PID1: variants seen among roughly 807,000 people sequenced by gnomAD.
PID1 encodes phosphotyrosine interaction domain containing 1, also known as PTB-containing, cubilin and LRP1-interacting protein.
Under a neutral mutation model 19.1 loss-of-function variants are expected in PID1, and 10 were observed. That is an observed-to-expected ratio of 0.52 (90% CI 0.32 to 0.89). The LOEUF is 0.89. Among genes scored for constraint, PID1 ranks in the 40% least tolerant of loss-of-function variants. The pLI is 0.03. For missense variants in PID1, 248 were observed against 285.3 expected (o/e 0.87, Z 0.94); for synonymous variants, 130 against 116.0 (o/e 1.12, Z -0.78).
chr2:229,054,096 TA>T (rs200586541), intron 2 of PID1, among the ~76,000 whole-genome samples: 4 of 134,858 alleles, frequency 3.0e-5, no homozygotes, highest in African/African-American at 7.3e-5. Context: ...GGTGGGATAT[TA>T]AAAAAAAAGA....
intron 2 of PID1, among the ~76,000 whole-genome samples, chr2:229,112,923 T>C (rs558792405): frequency 1.1e-3 from 162 of 152,316 alleles, no homozygotes; most frequent in Non-Finnish European, 1.9e-3. Context: ...GTTTTCATTT[T>C]GCCTGTGGCT....
At chr2:229,256,031 G>T (rs1690285899) in intron 1 of PID1, among the ~76,000 whole-genome samples, 1 of 152,206 alleles carries the variant, frequency 6.6e-6, no homozygotes, top group Non-Finnish European at 1.5e-5. Flanking sequence ...GAAGACCAAG[G>T]ACCTGGTTCT....
intron 2 of PID1, among the ~76,000 whole-genome samples, chr2:229,112,871 C>T (rs908904751): frequency 1.3e-5 from 2 of 152,166 alleles, no homozygotes; most frequent in Non-Finnish European, 2.9e-5. Flanking sequence ...CTAAAATCAG[C>T]TCACAGATGC....
intron 1 of PID1, among the ~76,000 whole-genome samples, chr2:229,164,882 A>G (rs1351109625): frequency 3.3e-5 from 5 of 152,212 alleles, no homozygotes; most frequent in Non-Finnish European, 7.3e-5. Flanking sequence ...TCACAGAGAG[A>G]GAATTCTGTA....
chr2:229,087,548 A>G (rs1464830121), intron 2 of PID1, among the ~76,000 whole-genome samples: 1 of 152,222 alleles, frequency 6.6e-6, no homozygotes. Flanking sequence ...AGCAGCCTTT[A>G]TGTACATTTA....
At position 229,025,677 on chromosome 2, in the gene PID1, G is replaced by T. The variant is rs769987356; in HGVS notation, c.609C>A (p.Ser203Arg). The T allele has an allele frequency of 3.1e-6, 5 of 1,613,654 alleles. No individual in the cohort carries two copies. Among genetic ancestry groups the T allele is most frequent in the Admixed American group, 1.7e-5 (1 of 60,012 alleles). The change falls in exon 3 of 3, where the codon AGC becomes AGA. Residue 203 changes from serine (S) to arginine (R), a missense_variant. Coordinates refer to ENST00000392055, the MANE Select transcript of PID1 (RefSeq NM_001100818.2). ...ATTCCTGGGAAACCTCTTCGGAGGAGCTGTTGCTGTGGATCCGCCCGTCGC... is the reference window on the plus strand; with the variant it reads ...ATTCCTGGGAAACCTCTTCGGAGGATCTGTTGCTGTGGATCCGCCCGTCGC... ...MKSDGRIHSN[S>R]SSEEVSQELE...
chr2:229,155,774 G>T (rs75373611), intron 2 of PID1, 44 bp downstream of exon 2: 55,817 of 1,549,078 alleles, frequency 0.036, 1,154 homozygotes, highest in South Asian at 0.042. Flanking sequence ...ACATCTTTGA[G>T]GCTATCTCAC....
At chr2:229,249,056 A>G (rs1690076632) in intron 1 of PID1, among the ~76,000 whole-genome samples, 1 of 152,216 alleles carries the variant, frequency 6.6e-6, no homozygotes, top group Non-Finnish European at 1.5e-5. Context: ...TGAACAAGAC[A>G]GATTCTATGT....
intron 1 of PID1, among the ~76,000 whole-genome samples, chr2:229,216,885 A>G (rs883730): frequency 8.9e-6 from 1 of 111,884 alleles, no homozygotes; most frequent in Non-Finnish European, 2.4e-5. Flanking sequence ...ATATACATAT[A>G]TTTTTTTAAA....
chr2:229,116,743 A>AC (rs1262992612), intron 2 of PID1, among the ~76,000 whole-genome samples: 1 of 152,076 alleles, frequency 6.6e-6, no homozygotes, highest in East Asian at 1.9e-4. Flanking sequence ...TTTATAAATT[A>AC]CCCAGTCTTG....
chr2:229,099,716 G>A (rs934876984), intron 2 of PID1, among the ~76,000 whole-genome samples: 1 of 152,180 alleles, frequency 6.6e-6, no homozygotes, highest in Admixed American at 6.6e-5. Context: ...TCTTGGTCAA[G>A]AAATGATTTC....
chr2:229,110,254 G>T (rs969584026), intron 2 of PID1, among the ~76,000 whole-genome samples: 19 of 152,294 alleles, frequency 1.2e-4, no homozygotes, highest in Middle Eastern at 6.8e-3. Flanking sequence ...GGTGAATCAG[G>T]ACTCAGAGTT....
intron 1 of PID1, among the ~76,000 whole-genome samples, chr2:229,203,575 T>C (rs1157183871): frequency 2.0e-5 from 3 of 152,260 alleles, no homozygotes; most frequent in African/African-American, 4.8e-5. Context: ...TATAATTTCA[T>C]ATACCTTCTC....
chr2:229,267,576 C>T (rs59709556), intron 1 of PID1, among the ~76,000 whole-genome samples: 6,439 of 152,212 alleles, frequency 0.042, 452 homozygotes, highest in African/African-American at 0.15. Flanking sequence ...TGACCTCCTT[C>T]GTTTCTAAGT....
intron 2 of PID1, among the ~76,000 whole-genome samples, chr2:229,107,944 T>G (rs1259956871): frequency 3.3e-5 from 5 of 152,152 alleles, no homozygotes; most frequent in African/African-American, 1.2e-4. Flanking sequence ...AGACAACTGT[T>G]TCAAAGGCTG....
chr2:229,255,057 T>G (rs1011252164), intron 1 of PID1, among the ~76,000 whole-genome samples: 2 of 152,166 alleles, frequency 1.3e-5, no homozygotes, highest in African/African-American at 4.8e-5. Flanking sequence ...TAGTTATCAA[T>G]AGAGTTCACT....
chr2:229,167,797 A>G (rs577603781), intron 1 of PID1, among the ~76,000 whole-genome samples: 2 of 152,260 alleles, frequency 1.3e-5, no homozygotes, highest in South Asian at 4.1e-4. Flanking sequence ...AAATTATACT[A>G]TTTTGTCACT....
chr2:229,197,107 T>C (rs1488823954), intron 1 of PID1, among the ~76,000 whole-genome samples: 1 of 151,850 alleles, frequency 6.6e-6, no homozygotes, highest in Non-Finnish European at 1.5e-5. Flanking sequence ...ATCAAAATAG[T>C]CAACAAAAAA....
chr2:229,196,983 C>A (rs1429983872), intron 1 of PID1, among the ~76,000 whole-genome samples: 1 of 151,578 alleles, frequency 6.6e-6, no homozygotes, highest in African/African-American at 2.4e-5. Flanking sequence ...AAAAGTAAGA[C>A]AGTATCAACT....
Sources: allele counts gnomAD v4.1 joint callset (sites outside exome capture counted in the v4.1 genomes callset), GRCh38; gene constraint gnomAD v4.1.1; transcripts MANE v1.5; gene names NCBI Gene and HGNC (gene_info 2026-07-23, HGNC 2026-07-21).